Variants in SLC16A1 observed in about 807,000 individuals in gnomAD.
SLC16A1 encodes solute carrier family 16 member 1, also known as monocarboxylate transporter 1.
Under a neutral mutation model 32.2 loss-of-function variants are expected in SLC16A1, and 11 were observed. The observed-to-expected ratio is 0.34, with a 90% CI of 0.21 to 0.56. The LOEUF is 0.56. Ranked by LOEUF, SLC16A1 falls within the 20% of genes least tolerant of loss-of-function variation. The pLI is 0.87. For missense variants in SLC16A1, 435 were observed against 615.0 expected (o/e 0.71, Z 3.10); for synonymous variants, 231 against 226.8 (o/e 1.02, Z -0.17).
Position 112,918,084 on chromosome 1 carries a change from ATAAATAAATAAATAAATAAT to A in SLC16A1, c.362-60_362-41del. ...AATAAATAAATAAATAAATAAATAA[ATAAATAAATAAATAAATAAT>A]AAGAGGTATAAATAATGGAAGGAAT... On this transcript the variant is annotated intron_variant, in intron 3 of 4. Coordinates refer to ENST00000369626, the MANE Select transcript of SLC16A1 (RefSeq NM_003051.4). The A allele has an allele frequency of 7.2e-6, 8 of 1,114,432 alleles. 1 individual carries two copies. Among genetic ancestry groups the A allele is most frequent in the Non-Finnish European group, 6.8e-6 (6 of 876,332 alleles). 69.0% of individuals were successfully genotyped at this position (1,114,432 alleles called of 1,614,324 possible).
At chr1:112,922,595 G>A (rs867032692) in intron 2 of SLC16A1, among the ~76,000 whole-genome samples, 4 of 152,074 alleles carry the variant, frequency 2.6e-5, no homozygotes, top group African/African-American at 4.8e-5. Flanking sequence ...CCAACATGGC[G>A]AAACCCCGTC....
Position 112,924,250 on chromosome 1 carries a change from C to T in SLC16A1, c.218-2117G>A, listed in dbSNP as rs958061618. The T allele has an allele frequency of 2.7e-5, 40 of 1,507,894 alleles. No individual in the cohort carries two copies. In the African/African-American group the frequency reaches 4.4e-4, roughly 17 times the overall value. 93.4% of individuals were successfully genotyped at this position (1,507,894 alleles called of 1,614,324 possible). ...GAGCAGTTGGAGCAGAACTTGGCAGCGGCAGAGGAAGGGCCCCTGGAGCCA... is the reference window on the plus strand; with the variant it reads ...GAGCAGTTGGAGCAGAACTTGGCAGTGGCAGAGGAAGGGCCCCTGGAGCCA... On this transcript the variant is annotated intron_variant, in intron 2 of 4. Coordinates refer to ENST00000369626, the MANE Select transcript of SLC16A1 (RefSeq NM_003051.4).
intron 1 of SLC16A1, among the ~76,000 whole-genome samples, chr1:112,948,143 C>A (rs1037641174): frequency 6.6e-6 from 1 of 152,054 alleles, no homozygotes; most frequent in Admixed American, 6.6e-5. Flanking sequence ...TCGCTTGAAC[C>A]CAGGAGGCGG....
In SLC16A1 at chr1:112,913,882, C is replaced by T. The variant is rs769850222; in HGVS notation, c.*9G>A. The T allele has an allele frequency of 6.2e-7, 1 of 1,614,026 alleles. No homozygotes were observed. The highest frequency in any genetic ancestry group is 1.3e-5 in the African/African-American group (1 of 74,920). On this transcript the variant is annotated 3_prime_UTR_variant, in exon 5 of 5. Transcript: ENST00000369626. ...TGAACTGCTCAATTTACCCTTCAGC[C>T]CCATGGATTCAGACTGGACTTTCCT...
chr1:112,925,576 A>T (rs1362734955), intron 2 of SLC16A1, among the ~76,000 whole-genome samples: 1 of 151,352 alleles, frequency 6.6e-6, no homozygotes, highest in African/African-American at 2.4e-5. Context: ...ACAGGGTTTT[A>T]CCATGTTGCC....
At position 112,924,574 on chromosome 1, in the gene SLC16A1, C is replaced by A. The variant is rs9429506; in HGVS notation, c.218-2441G>T. Reference sequence around the variant, plus strand: ...GAGACCGGGTCATTTATAAAGAAAACAAACAAACAAAAACAACAACAACAA... The same window carrying A: ...GAGACCGGGTCATTTATAAAGAAAAAAAACAAACAAAAACAACAACAACAA... On this transcript the variant is annotated intron_variant, in intron 2 of 4. Transcript: ENST00000369626. Among the ~76,000 whole-genome samples the A allele has an allele frequency of 3.1e-3, 471 of 151,646 alleles. 5 individuals carry two copies. The highest frequency in any genetic ancestry group is 0.011 in the African/African-American group (457 of 41,314).
At chr1:112,924,420 G>A (rs1648860919) in intron 2 of SLC16A1, 3 of 995,818 alleles carry the variant, frequency 3.0e-6, no homozygotes, top group Non-Finnish European at 4.8e-6. Context: ...ATTTAGAAGT[G>A]CCTCAGTAAA....
intron 1 of SLC16A1, among the ~76,000 whole-genome samples, chr1:112,944,435 C>A (rs1408042117): frequency 6.6e-6 from 1 of 152,044 alleles, no homozygotes; most frequent in Non-Finnish European, 1.5e-5. Flanking sequence ...CAGAGTGAAC[C>A]CGTCTCAAAA....
At chr1:112,940,735 A>AT (rs1649478797) in intron 1 of SLC16A1, among the ~76,000 whole-genome samples, 1 of 152,200 alleles carries the variant, frequency 6.6e-6, no homozygotes, top group African/African-American at 2.4e-5. Flanking sequence ...TTATACTTTG[A>AT]TAAAAAGTAT....
At chr1:112,923,476 C>T (rs1019994019) in intron 2 of SLC16A1, 9 of 797,014 alleles carry the variant, frequency 1.1e-5, no homozygotes, top group African/African-American at 1.0e-4. Context: ...GCCGTAGTCA[C>T]CCGCGCCTTC....
chr1:112,921,807 T>C (rs1332759741), intron 3 of SLC16A1, among the ~76,000 whole-genome samples, 183 bp downstream of exon 3: 2 of 152,364 alleles, frequency 1.3e-5, no homozygotes, highest in Middle Eastern at 3.4e-3. Flanking sequence ...ATATCCATTA[T>C]ATAATGGCAA....
At chr1:112,923,270 T>TGAGCCATC (rs1648804458) in intron 2 of SLC16A1, among the ~76,000 whole-genome samples, 1 of 56,950 alleles carries the variant, frequency 1.8e-5, no homozygotes. Flanking sequence ...GGTGAGCCAT[T>TGAGCCATC]GCACTCCAGC....
At position 112,921,135 on chromosome 1, in the gene SLC16A1, C is replaced by T. The variant is rs746153650; in HGVS notation, c.361+855G>A. Among the ~76,000 whole-genome samples the T allele has an allele frequency of 1.2e-3, 168 of 139,438 alleles. 1 individual carries two copies. The highest frequency in any genetic ancestry group is 0.011 in the Middle Eastern group (3 of 270). 91.5% of individuals were successfully genotyped at this position (139,438 alleles called of 152,430 possible). On this transcript the variant is annotated intron_variant, in intron 3 of 4. Transcript: ENST00000369626. ...CAGCCTGGGAGACAGAGCGAGACTC[C>T]GTCTCAAAAAAAAAAAAAAAAGAAA...
chr1:112,914,163 G>C lies in SLC16A1; in HGVS notation c.1231C>G (p.Arg411Gly). 6.2e-7 allele frequency: 1 copy of C among 1,613,998 alleles called. No individual in the cohort carries two copies. Among genetic ancestry groups the C allele is most frequent in the Non-Finnish European group, 8.5e-7 (1 of 1,179,992 alleles). ...PVLLGPPLLG[R>G]LNDMYGDYKY... is the part of the protein sequence containing the mutation. The stretch of plus-strand genomic sequence containing the variant: ...TAGTCTCCATACATGTCATTGAGCC[G>C]ACCTAAATATGTAAAACAACACAAA... The change falls in exon 5 of 5, where the codon CGG becomes GGG. Residue 411 changes from arginine to glycine, a missense_variant and splice_region_variant. Arg to Gly is a moderately radical substitution (Grantham distance 125). Around this residue, in one of 2 missense-constraint regions of SLC16A1, gnomAD observed 111 missense variants for 114.7 expected, o/e 0.97. Coordinates refer to ENST00000369626, the MANE Select transcript of SLC16A1 (RefSeq NM_003051.4).
Position 112,917,055 on chromosome 1 carries a change from G to A in SLC16A1, c.1228+123C>T. ...GCCAAGCATTGTCCCAGCATCAAGG[G>A]TACATAAATGAGAAAGATTTATTCT... On this transcript the variant is annotated intron_variant, in intron 4 of 4. Coordinates refer to ENST00000369626, the MANE Select transcript of SLC16A1 (RefSeq NM_003051.4). This position sits in a 1 kb window ranked among gnomAD's most constrained non-coding sequence, Gnocchi z 4.1. The A allele has an allele frequency of 1.7e-6, 2 of 1,211,864 alleles. No individual in the cohort carries two copies. The highest frequency in any genetic ancestry group is 2.4e-6 in the Non-Finnish European group (2 of 841,670). The allele number at this position is 1,211,864 out of a possible 1,614,324, so 75.1% of individuals were successfully genotyped here.
intron 1 of SLC16A1, among the ~76,000 whole-genome samples, chr1:112,952,446 T>C (rs1649929289): frequency 6.6e-6 from 1 of 152,156 alleles, no homozygotes; most frequent in African/African-American, 2.4e-5. Context: ...TGTTACCTTG[T>C]TTGGACCCCA....
intron 1 of SLC16A1, among the ~76,000 whole-genome samples, chr1:112,946,819 C>G (rs910125284): frequency 6.6e-6 from 1 of 152,228 alleles, no homozygotes; most frequent in African/African-American, 2.4e-5. Context: ...TCCCAAAGCG[C>G]TGGGAGAAAG....
chr1:112,939,756 C>T (rs1210506572), intron 1 of SLC16A1, among the ~76,000 whole-genome samples: 1 of 152,118 alleles, frequency 6.6e-6, no homozygotes, highest in Non-Finnish European at 1.5e-5. Context: ...CCACCCACCT[C>T]GGTCTCCCAA....
intron 1 of SLC16A1, among the ~76,000 whole-genome samples, chr1:112,935,390 A>C (rs533231153): frequency 6.6e-6 from 1 of 152,118 alleles, no homozygotes; most frequent in South Asian, 2.1e-4. Context: ...GCCTGGTGAC[A>C]CGGCAAGACT....
Sources: gnomAD v4.1 joint callset for allele counts (sites outside exome capture counted in the v4.1 genomes callset) on GRCh38, gnomAD v4.1.1 for gene constraint, gnomAD v4.1.1 regional missense constraint, Gnocchi (gnomAD v3.1) non-coding constraint, MANE v1.5 for transcripts, NCBI Gene and HGNC (gene_info 2026-07-23, HGNC 2026-07-21) for gene names.